The following ZNF773 variants were observed in gnomAD, a reference collection of about 807,000 sequenced individuals.
ZNF773 encodes the protein zinc finger protein 419B.
In ZNF773, 11 loss-of-function variants were observed where a neutral mutation model predicts 12.8. That is an observed-to-expected ratio of 0.86 (90% confidence interval 0.54 to 1.42). The LOEUF is 1.42. ZNF773 is among the 40% of genes most tolerant of loss of function. The pLI, the probability that ZNF773 is intolerant of heterozygous loss-of-function variation, is 0.00. For synonymous variants in ZNF773, 175 were observed against 178.4 expected (o/e 0.98, Z 0.15); for missense variants, 518 against 527.2 (o/e 0.98, Z 0.17).
At chr19:57,508,411 AC>A, downstream of ZNF773, 1 of 631,612 alleles carries the variant, frequency 1.6e-6, no homozygotes, top group Non-Finnish European at 2.8e-6. Context: ...GATGTTACTC[AC>A]TTTTGCTGTT....
chr19:57,512,872 T>TA (rs1328046943), downstream of ZNF773: 1 of 769,418 alleles, frequency 1.3e-6, no homozygotes, highest in African/African-American at 1.8e-5. Flanking sequence ...GACCAACTGT[T>TA]ACGTCTTCCT....
chr19:57,516,024 G>T, downstream of ZNF773: 1 of 153,382 alleles, frequency 6.5e-6, no homozygotes, highest in South Asian at 1.9e-4. Flanking sequence ...TTACTGATAT[G>T]GGGACGAGGG....
rs779625870 is a variant in ZNF773 at position 57,500,060 on chromosome 19, G to A, written c.-21G>A. ...GGCCCGGGCCCTTTCCTCGGTCGTT[G>A]TCTCACCGCCACAGGCTCCGATGGC... On this transcript the variant is annotated 5_prime_UTR_variant, in exon 1 of 4. Transcript: ENST00000282292. 1.1e-5 allele frequency: 17 copies of A among 1,588,470 alleles called. No individual in the cohort carries two copies. In the South Asian group the frequency reaches 1.5e-4, roughly 14 times the overall value.
downstream of ZNF773, chr19:57,515,581 C>T (rs931057666): frequency 2.0e-4 from 31 of 152,166 alleles, no homozygotes; most frequent in African/African-American, 7.2e-4. Context: ...ATGTCACGTG[C>T]CAAACTGGGG....
downstream of ZNF773, among the ~76,000 whole-genome samples, chr19:57,512,411 T>TA (rs2089802476): frequency 2.0e-5 from 3 of 147,526 alleles, no homozygotes; most frequent in South Asian, 6.7e-4. Flanking sequence ...TTTTTTTTTT[T>TA]TTTTTTTTTT....
At chr19:57,511,756 C>T (rs1308307250), downstream of ZNF773, among the ~76,000 whole-genome samples, 1 of 151,284 alleles carries the variant, frequency 6.6e-6, no homozygotes, top group Non-Finnish European at 1.5e-5. Context: ...TACACACACT[C>T]AAAACTAAAA....
chr19:57,505,610 A>G (rs1030951049), intron 3 of ZNF773, among the ~76,000 whole-genome samples: 2 of 151,524 alleles, frequency 1.3e-5, no homozygotes, highest in African/African-American at 4.9e-5. Context: ...GTTTCACCCC[A>G]TCCTCAGCAG....
chr19:57,509,632 C>T (rs1175724829), downstream of ZNF773, among the ~76,000 whole-genome samples: 1 of 152,198 alleles, frequency 6.6e-6, no homozygotes, highest in Non-Finnish European at 1.5e-5. Context: ...GTTTAAACAA[C>T]ACAAATATAT....
chr19:57,502,011 C>G (rs527240321), intron 1 of ZNF773, among the ~76,000 whole-genome samples: 2 of 152,114 alleles, frequency 1.3e-5, no homozygotes, highest in South Asian at 2.1e-4. Flanking sequence ...GGTACAATCT[C>G]GGCTCACCGC....
At chr19:57,508,696 G>T, downstream of ZNF773, 1 of 585,566 alleles carries the variant, frequency 1.7e-6, no homozygotes, top group South Asian at 2.2e-5. Flanking sequence ...TACATGTATG[G>T]AAGTCATAGG....
chr19:57,515,045 GT>G (rs1404709035), downstream of ZNF773: 1 of 152,162 alleles, frequency 6.6e-6, no homozygotes, highest in African/African-American at 2.4e-5. Context: ...AGTTATTCAA[GT>G]TTTACAGCTC....
At chr19:57,505,698 A>G (rs930201065) in intron 3 of ZNF773, among the ~76,000 whole-genome samples, 2 of 131,142 alleles carry the variant, frequency 1.5e-5, no homozygotes, top group Non-Finnish European at 3.2e-5. Flanking sequence ...GACACCAACT[A>G]TTTCATTCCA....
chr19:57,504,631 G>C, intron 1 of ZNF773, 26 bp from the exon 2 acceptor site: 1 of 1,612,434 alleles, frequency 6.2e-7, no homozygotes, highest in South Asian at 1.1e-5. Context: ...GGAGACCGCA[G>C]ATAAACTCAA....
At chr19:57,505,822 T>C (rs1479166031) in intron 3 of ZNF773, among the ~76,000 whole-genome samples, 1 of 150,458 alleles carries the variant, frequency 6.6e-6, no homozygotes, top group Non-Finnish European at 1.5e-5. Flanking sequence ...GCCATTCTCC[T>C]GCCTCAGCCT....
chr19:57,512,463 G>T (rs1480792656), downstream of ZNF773, among the ~76,000 whole-genome samples: 1 of 148,698 alleles, frequency 6.7e-6, no homozygotes, highest in Non-Finnish European at 1.5e-5. Flanking sequence ...GAGTGCAGTG[G>T]CATGATCTTG....
intron 3 of ZNF773, 59 bp from the exon 4 acceptor site, chr19:57,506,299 A>G: frequency 7.7e-6 from 12 of 1,554,178 alleles, no homozygotes; most frequent in Middle Eastern, 1.8e-4. Context: ...CACGTGTGAG[A>G]GTGCTGCCTT....
At chr19:57,501,827 C>T (rs900706876) in intron 1 of ZNF773, among the ~76,000 whole-genome samples, 7 of 152,112 alleles carry the variant, frequency 4.6e-5, no homozygotes, top group African/African-American at 1.7e-4. Flanking sequence ...CCTACATGGT[C>T]TTCAGAATTA....
At chr19:57,508,793 C>CCTTTTTTTTTTTTTT (rs1182511503), downstream of ZNF773, among the ~76,000 whole-genome samples, 1 of 151,956 alleles carries the variant, frequency 6.6e-6, no homozygotes, top group African/African-American at 2.4e-5. Context: ...CAGTTTTGAG[C>CCTTTTTTTTTTTTTT]ATTTTTAAAT....
rs766284380 is a variant in ZNF773, at chr19:57,506,370, G to C, written c.275G>C (p.Gly92Ala). Residue 92 changes from glycine (G) to alanine (A), a missense_variant, in exon 4 of 4, where the codon GGA becomes GCA. Transcript: ENST00000282292. ...TSAILRGSWQGAKAEAAAEQS... is the reference protein window; with the variant it reads ...TSAILRGSWQAAKAEAAAEQS... Reference sequence around the variant, plus strand: ...TCTCTTCTTTCAGGTAGTTGGCAAGGAGCCAAGGCTGAGGCAGCTGCTGAG... The same window carrying C: ...TCTCTTCTTTCAGGTAGTTGGCAAGCAGCCAAGGCTGAGGCAGCTGCTGAG... The C allele has an allele frequency of 6.2e-7, 1 of 1,608,006 alleles. No individual in the cohort carries two copies. The highest frequency in any genetic ancestry group is 1.7e-5 in the Admixed American group (1 of 58,346).
Sources: gnomAD v4.1 joint callset for allele counts (sites outside exome capture counted in the v4.1 genomes callset) on GRCh38, gnomAD v4.1.1 for gene constraint, MANE v1.5 for transcripts, NCBI Gene and HGNC (gene_info 2026-07-23, HGNC 2026-07-21) for gene names.